Variants in SOS2 observed in about 807,000 individuals in gnomAD.
SOS2 encodes SOS Ras/Rho guanine nucleotide exchange factor 2.
SOS2 carries 65 observed loss-of-function variants against 148.2 expected under a neutral mutation model. The observed-to-expected ratio is 0.44, with a 90% CI of 0.36 to 0.54. The LOEUF is 0.54. Among genes scored for constraint, SOS2 ranks in the 20% least tolerant of loss-of-function variants. The pLI, the probability that SOS2 is intolerant of heterozygous loss-of-function variation, is 0.00. For missense variants in SOS2, 1,341 were observed against 1,590.2 expected, an observed-to-expected ratio of 0.84 and a Z score of 2.67; for synonymous variants, 539 against 537.1, an observed-to-expected ratio of 1.00 and a Z score of -0.05.
At chr14:50,145,145 T>C (rs774482866) in intron 16 of SOS2, 25 bp downstream of exon 16, 4 of 1,337,330 alleles carry the variant, frequency 3.0e-6, no homozygotes, top group Admixed American at 5.7e-5. Flanking sequence ...CCGAGAAAAA[T>C]GAAAAAGTTA....
intron 12 of SOS2, among the ~76,000 whole-genome samples, chr14:50,155,722 TAC>T (rs1884790866): frequency 6.6e-6 from 1 of 152,108 alleles, no homozygotes. Context: ...TAGTTATAAG[TAC>T]AGGACTGAGA....
chr14:50,199,732 T>G lies in SOS2; in HGVS notation c.469A>C (p.Ile157Leu). 2 of 1,610,216 alleles carry G rather than the reference T, an allele frequency of 1.2e-6. No homozygotes were observed. The highest frequency in any genetic ancestry group is 1.7e-6 in the Non-Finnish European group (2 of 1,177,428). Residue 157 changes from isoleucine (I) to leucine (L), a missense_variant, in exon 4 of 23, where the codon ATA (isoleucine) becomes CTA (leucine). Around this residue, in one of 4 missense-constraint regions of SOS2, gnomAD observed 574 missense variants for 711.1 expected, o/e 0.81. Transcript: ENST00000216373. ...GACACTTTAATGTCCTGCTGAGATATTTCATAATGCCGGATATTAAAAACA... is the reference window on the plus strand; with the variant it reads ...GACACTTTAATGTCCTGCTGAGATAGTTCATAATGCCGGATATTAAAAACA... ...NYVFNIRHYE[I>L]SQQDIKVSMC... is the part of the protein sequence containing the mutation.
At chr14:50,180,254 T>C (rs1885688180) in intron 7 of SOS2, among the ~76,000 whole-genome samples, 3 of 149,902 alleles carry the variant, frequency 2.0e-5, no homozygotes, top group Admixed American at 6.7e-5. Context: ...TCCACCTGTC[T>C]TGGCCTCCCA....
In SOS2 at chr14:50,159,649, C is replaced by A; in HGVS notation, c.1634G>T (p.Arg545Leu). 6.2e-7 allele frequency: 1 copy of A among 1,613,586 alleles called. No individual in the cohort carries two copies. Among genetic ancestry groups the A allele is most frequent in the Non-Finnish European group, 8.5e-7 (1 of 1,179,688 alleles). ...WMAALISLHY[R>L]STLDRMLDSV... ...ATCTAACATTCGATCTAGAGTACTA[C>A]GATAATGAAGAGAAATAAGGGCTGC... The change falls in exon 10 of 23, where the codon CGT becomes CTT. Residue 545 changes from arginine (R) to leucine (L), a missense_variant. Arg to Leu is a moderately radical substitution (Grantham distance 102, BLOSUM62 -2). This residue lies in a region of SOS2 where 574 missense variants were observed against 711.1 expected (regional missense o/e 0.81). Transcript: ENST00000216373.
chr14:50,118,026 A>ACTATGT lies in SOS2; in HGVS notation c.*317_*318insACATAG, dbSNP rs1883347283. 1 of 222,704 alleles carries ACTATGT rather than the reference A, an allele frequency of 4.5e-6. No homozygotes were observed. Among genetic ancestry groups the ACTATGT allele is most frequent in the African/African-American group, 2.3e-5 (1 of 43,704 alleles). 13.8% of individuals were successfully genotyped at this position (222,704 alleles called of 1,614,324 possible). On this transcript the variant is annotated 3_prime_UTR_variant, in exon 23 of 23. Coordinates refer to ENST00000216373, the MANE Select transcript of SOS2 (RefSeq NM_006939.4). ...CAAATTTGAAAAATTTCACAAAAGC[A>ACTATGT]CTATCCCTTTTCAGTGCAATCATGT...
chr14:50,120,671 TCAAAA>T (rs1883471867), intron 21 of SOS2, among the ~76,000 whole-genome samples: 2 of 148,800 alleles, frequency 1.3e-5, no homozygotes, highest in Admixed American at 6.7e-5. Flanking sequence ...CTTTCACAAA[TCAAAA>T]CAAAACATGT....
chr14:50,158,115 G>A (rs1884876095), intron 11 of SOS2, among the ~76,000 whole-genome samples: 1 of 151,988 alleles, frequency 6.6e-6, no homozygotes. Context: ...TACTGAAGGT[G>A]GTTGATGAAT....
chr14:50,182,707 T>TCG, intron 5 of SOS2, 101 bp from the exon 6 acceptor site: 1 of 853,754 alleles, frequency 1.2e-6, no homozygotes, highest in Non-Finnish European at 1.8e-6. Context: ...GCAGACTGCC[T>TCG]ATGGAATAGC....
intron 17 of SOS2, 48 bp from the exon 18 acceptor site, chr14:50,138,832 GTTAT>G: frequency 1.5e-6 from 1 of 682,954 alleles, no homozygotes. Context: ...TTTAAATTTT[GTTAT>G]TTAATCAATT....
chr14:50,220,523 GA>G (rs1467013924), intron 1 of SOS2, among the ~76,000 whole-genome samples: 2 of 151,654 alleles, frequency 1.3e-5, no homozygotes, highest in Non-Finnish European at 2.9e-5. Context: ...CTGGATACTG[GA>G]AAAAATTTTA....
intron 22 of SOS2, among the ~76,000 whole-genome samples, chr14:50,120,025 C>A (rs1238229111): frequency 6.6e-6 from 1 of 152,106 alleles, no homozygotes; most frequent in African/African-American, 2.4e-5. Flanking sequence ...GTTGACCAGG[C>A]TGGTCTCGAA....
intron 5 of SOS2, among the ~76,000 whole-genome samples, chr14:50,182,827 G>A (rs566108670): frequency 6.6e-6 from 1 of 152,268 alleles, no homozygotes; most frequent in Admixed American, 6.5e-5. Context: ...GCCAAGAACT[G>A]TCCCGAGCTA....
chr14:50,214,637 T>C (rs1229475692), intron 1 of SOS2, among the ~76,000 whole-genome samples: 1 of 151,832 alleles, frequency 6.6e-6, no homozygotes, highest in Non-Finnish European at 1.5e-5. Context: ...TGAGACTCCA[T>C]CTTTAAATAA....
intron 1 of SOS2, among the ~76,000 whole-genome samples, chr14:50,207,510 C>A (rs1886701403): frequency 6.6e-6 from 1 of 150,510 alleles, no homozygotes; most frequent in South Asian, 2.1e-4. Flanking sequence ...GACCTCATCT[C>A]TAAAAGAAAA....
Position 50,118,356 on chromosome 14 carries a change from T to TC in SOS2, c.3986_3987insG (p.Thr1330AsnfsTer12). 6.2e-7 allele frequency: 1 copy of TC among 1,613,614 alleles called. No individual in the cohort carries two copies. The highest frequency in any genetic ancestry group is 8.5e-7 in the Non-Finnish European group (1 of 1,179,626). On this transcript the variant is annotated frameshift_variant, in exon 23 of 23. Transcript: ENST00000216373. LOFTEE classifies it high-confidence loss of function. ...CATATGGCTAAGGTCATTGGGGAGT[T>TC]TCTGCATTTTCTAGCAAAGGCAGTC...
At chr14:50,197,555 C>A (rs1886348476) in intron 4 of SOS2, among the ~76,000 whole-genome samples, 1 of 149,488 alleles carries the variant, frequency 6.7e-6, no homozygotes, top group Non-Finnish European at 1.5e-5. Flanking sequence ...CTGTAACTCT[C>A]AAAAGCGTCC....
At chr14:50,126,929 C>T (rs1883697960) in intron 21 of SOS2, among the ~76,000 whole-genome samples, 1 of 151,232 alleles carries the variant, frequency 6.6e-6, no homozygotes, top group Admixed American at 6.6e-5. Context: ...AAAATACCCA[C>T]ATCAATGCAG....
intron 21 of SOS2, among the ~76,000 whole-genome samples, chr14:50,129,550 A>G (rs538044432): frequency 1.1e-3 from 173 of 152,194 alleles, no homozygotes; most frequent in Non-Finnish European, 2.1e-3. Flanking sequence ...ATATCCGGCT[A>G]ATTTTTGTAA....
chr14:50,122,391 C>T (rs1197674381), intron 21 of SOS2, among the ~76,000 whole-genome samples: 88 of 88,276 alleles, frequency 1.0e-3, no homozygotes, highest in South Asian at 2.2e-3. Context: ...GAACCCTGGG[C>T]TTTTTTTTTT....
Sources: allele counts gnomAD v4.1 joint callset (sites outside exome capture counted in the v4.1 genomes callset), GRCh38; gene constraint gnomAD v4.1.1; regional missense constraint gnomAD v4.1.1; transcripts MANE v1.5; gene names NCBI Gene and HGNC (gene_info 2026-07-23, HGNC 2026-07-21).